The following FPGS variants were observed in gnomAD, a reference collection of about 807,000 sequenced individuals.
The protein encoded by FPGS is folylpolyglutamate synthase, mitochondrial.
Under a neutral mutation model 66.5 loss-of-function variants are expected in FPGS, and 53 were observed. That is an observed-to-expected ratio of 0.80 (90% CI 0.64 to 1.00). FPGS has a LOEUF of 1.00. Among genes scored for constraint, FPGS ranks in the 50% least tolerant of loss-of-function variants. The probability of loss-of-function intolerance (pLI) is 0.00; values close to 1 mark genes in which losing one functional copy is unlikely to be tolerated. For missense variants in FPGS, 702 were observed against 807.7 expected, an observed-to-expected ratio of 0.87 and a Z score of 1.59; for synonymous variants, 348 against 350.9, an observed-to-expected ratio of 0.99 and a Z score of 0.09.
Position 127,809,762 on chromosome 9 carries a change from A to T in FPGS, c.1139A>T (p.His380Leu). The change falls in exon 12 of 15, where the codon CAC becomes CTC. Residue 380 changes from histidine to leucine, a missense_variant. By Grantham distance (99) the His-to-Leu change is moderately conservative. Coordinates refer to ENST00000373247, the MANE Select transcript of FPGS (RefSeq NM_004957.6). Reference protein sequence around the residue: ...GPLTWYLDGAHTASSAQACVR... With the variant: ...GPLTWYLDGALTASSAQACVR... ...CTCACCTGGTACCTGGACGGTGCGC[A>T]CACCGCCAGCAGCGCGCAGGCCTGC... 1 of 1,574,004 alleles carries T rather than the reference A, an allele frequency of 6.4e-7. No homozygotes were observed. The highest frequency in any genetic ancestry group is 1.1e-5 in the South Asian group (1 of 89,316).
In FPGS at chr9:127,808,786, C is replaced by T; in HGVS notation, c.971-14C>T. On this transcript the variant is annotated splice_polypyrimidine_tract_variant and intron_variant, in intron 10 of 14. Coordinates refer to ENST00000373247, the MANE Select transcript of FPGS (RefSeq NM_004957.6). ...GGAGGGTCCCGGACACACTTGGTCTCACACACCCCGCAGGTGCTGGGGAGC... is the reference window on the plus strand; with the variant it reads ...GGAGGGTCCCGGACACACTTGGTCTTACACACCCCGCAGGTGCTGGGGAGC... 6.4e-7 allele frequency: 1 copy of T among 1,556,194 alleles called. No homozygotes were observed. Among genetic ancestry groups the T allele is most frequent in the Non-Finnish European group, 8.7e-7 (1 of 1,149,758 alleles).
intron 10 of FPGS, 29 bp downstream of exon 10, chr9:127,808,734 G>C: frequency 6.4e-7 from 1 of 1,568,028 alleles, no homozygotes; most frequent in Non-Finnish European, 8.6e-7. Flanking sequence ...GGGCAGGCAG[G>C]TGGGTGGCAC....
Position 127,807,369 on chromosome 9 carries a change from G to T in FPGS, c.580-52G>T. On this transcript the variant is annotated intron_variant, in intron 6 of 14. Coordinates refer to ENST00000373247, the MANE Select transcript of FPGS (RefSeq NM_004957.6). This position sits in a 1 kb window ranked among gnomAD's most constrained non-coding sequence, Gnocchi z 5.8. ...AGGCCTGGGGGCTCCCTGCTTCCAT[G>T]CGGCCTCTGGGCACCCTCATATCCC... 1 of 1,612,580 alleles carries T rather than the reference G, an allele frequency of 6.2e-7. No homozygotes were observed. The highest frequency in any genetic ancestry group is 1.1e-5 in the South Asian group (1 of 91,076).
chr9:127,809,629 A>G, intron 11 of FPGS, 55 bp from the exon 12 acceptor site: 7 of 1,495,398 alleles, frequency 4.7e-6, no homozygotes, highest in Non-Finnish European at 6.2e-6. Flanking sequence ...TGTGTGCGGA[A>G]TTGAGGACGG....
rs747542695 is a variant in FPGS at position 127,813,467 on chromosome 9, G to A, written c.1627G>A (p.Gly543Ser). 52 of 1,612,846 alleles carry A rather than the reference G, an allele frequency of 3.2e-5. No individual in the cohort carries two copies. The highest frequency in any genetic ancestry group is 4.5e-5 in the East Asian group (2 of 44,872). The change falls in exon 15 of 15, where the codon GGC becomes AGC. Residue 543 changes from glycine to serine, a missense_variant. Gly to Ser is a moderately conservative substitution (Grantham distance 56, BLOSUM62 0). Transcript: ENST00000373247. ...PIFQPPSPPK[G>S]LLTHPVAHSG... ...CTTCCAGCCACCTAGTCCCCCAAAG[G>A]GCCTCCTCACCCACCCTGTGGCTCA...
At chr9:127,812,105 C>T (rs1397210442) in intron 14 of FPGS, among the ~76,000 whole-genome samples, 1 of 152,136 alleles carries the variant, frequency 6.6e-6, no homozygotes, top group Admixed American at 6.6e-5. Context: ...AAGAATTAGC[C>T]AGGTGTGGTG....
chr9:127,804,052 T>A (rs370314342), intron 1 of FPGS, among the ~76,000 whole-genome samples: 49 of 152,344 alleles, frequency 3.2e-4, no homozygotes, highest in African/African-American at 1.2e-3. Flanking sequence ...ACCTTCTTTG[T>A]GTAGCACTCC....
At chr9:127,809,196 C>T (rs1005498167) in intron 11 of FPGS, among the ~76,000 whole-genome samples, 1 of 152,054 alleles carries the variant, frequency 6.6e-6, no homozygotes, top group Non-Finnish European at 1.5e-5. Flanking sequence ...GGATAAAGTG[C>T]CAGCCAGTGG....
chr9:127,804,248 G>A, intron 1 of FPGS, 37 bp from the exon 2 acceptor site: 1 of 1,604,926 alleles, frequency 6.2e-7, no homozygotes, highest in Non-Finnish European at 8.5e-7. Flanking sequence ...GACCCTGAGT[G>A]AGCCTTAACC....
At chr9:127,812,701 G>GTT (rs376909642) in intron 14 of FPGS, among the ~76,000 whole-genome samples, 2 of 151,454 alleles carry the variant, frequency 1.3e-5, no homozygotes, top group East Asian at 2.0e-4. Context: ...GTGTGTGTGT[G>GTT]TTTTTTTCAG....
At position 127,807,204 on chromosome 9, in the gene FPGS, C is replaced by G; in HGVS notation, c.502-5C>G. ...TCTGGGCCCTGACATGTCCCTGTGC[C>G]ACAGGATGGCAGCTGTGTCTCCATG... On this transcript the variant is annotated splice_region_variant and splice_polypyrimidine_tract_variant and intron_variant, in intron 5 of 14. Coordinates refer to ENST00000373247, the MANE Select transcript of FPGS (RefSeq NM_004957.6). The surrounding 1 kb of genome is among the most constrained non-coding windows in gnomAD (Gnocchi z 5.8). 6.2e-7 allele frequency: 1 copy of G among 1,614,100 alleles called. No homozygotes were observed. Among genetic ancestry groups the G allele is most frequent in the Non-Finnish European group, 8.5e-7 (1 of 1,180,002 alleles).
chr9:127,808,779 T>A, intron 10 of FPGS, 21 bp from the exon 11 acceptor site: 2 of 1,555,744 alleles, frequency 1.3e-6, no homozygotes, highest in East Asian at 4.8e-5. Flanking sequence ...CCGGACACAC[T>A]TGGTCTCACA....
intron 9 of FPGS, 112 bp downstream of exon 9, chr9:127,808,423 G>C: frequency 6.7e-7 from 1 of 1,499,632 alleles, no homozygotes; most frequent in South Asian, 1.1e-5. Context: ...TGAGGACGCT[G>C]GGCCAGCTGC....
Position 127,803,762 on chromosome 9 carries a change from C to T in FPGS, c.139-523C>T, listed in dbSNP as rs1262938613. Among the ~76,000 whole-genome samples the T allele has an allele frequency of 2.6e-5, 4 of 152,124 alleles. No individual in the cohort carries two copies. In the East Asian group the frequency reaches 5.8e-4, roughly 22 times the overall value. Reference sequence around the variant, plus strand: ...CTTCCATTGTGAACCCTCCTGAAGCCGTACCTACCTGCCTTCCTGGCTGAG... The same window carrying T: ...CTTCCATTGTGAACCCTCCTGAAGCTGTACCTACCTGCCTTCCTGGCTGAG... On this transcript the variant is annotated intron_variant, in intron 1 of 14. Coordinates refer to ENST00000373247, the MANE Select transcript of FPGS (RefSeq NM_004957.6).
chr9:127,812,632 T>C (rs1449610807), intron 14 of FPGS, among the ~76,000 whole-genome samples: 1 of 152,176 alleles, frequency 6.6e-6, no homozygotes, highest in Non-Finnish European at 1.5e-5. Context: ...CTTCCAAGTA[T>C]AGCTGGGATT....
At chr9:127,810,834 C>G (rs555583483) in intron 13 of FPGS, 111 bp from the exon 14 acceptor site, 1 of 620,354 alleles carries the variant, frequency 1.6e-6, no homozygotes, top group Non-Finnish European at 3.0e-6. Flanking sequence ...CAGCATCATT[C>G]TAGTTGTCAG....
chr9:127,811,064 A>T, intron 14 of FPGS, 53 bp downstream of exon 14: 1 of 1,082,890 alleles, frequency 9.2e-7, no homozygotes, highest in South Asian at 1.4e-5. Context: ...CCTGAGGTAG[A>T]CAGTGGGGGC....
At position 127,803,069 on chromosome 9, in the gene FPGS, G is replaced by A; in HGVS notation, c.138+7G>A. 2 of 1,391,338 alleles carry A rather than the reference G, an allele frequency of 1.4e-6. No individual in the cohort carries two copies. The highest frequency in any genetic ancestry group is 1.9e-6 in the Non-Finnish European group (2 of 1,078,670). 86.2% of individuals were successfully genotyped at this position (1,391,338 alleles called of 1,614,324 possible). ...GCCGAGCATGGAGTACCAGGTATCA[G>A]GCGGGCCAGCGGGCCAGCGGGCCTG... On this transcript the variant is annotated splice_region_variant and intron_variant, in intron 1 of 14. Coordinates refer to ENST00000373247, the MANE Select transcript of FPGS (RefSeq NM_004957.6).
chr9:127,807,508 G>T lies in FPGS; in HGVS notation c.641+26G>T. The stretch of plus-strand genomic sequence containing the variant: ...GTGAGCGCAGTTGCTTGGGACGAGG[G>T]GTGGCAGCCAGGAGCACAGCCTCAC... On this transcript the variant is annotated intron_variant, in intron 7 of 14. Coordinates refer to ENST00000373247, the MANE Select transcript of FPGS (RefSeq NM_004957.6). This position sits in a 1 kb window ranked among gnomAD's most constrained non-coding sequence, Gnocchi z 5.8. The T allele has an allele frequency of 6.2e-7, 1 of 1,613,756 alleles. No individual in the cohort carries two copies. The highest frequency in any genetic ancestry group is 1.7e-4 in the Middle Eastern group (1 of 6,050).
Sources: allele counts gnomAD v4.1 joint callset (sites outside exome capture counted in the v4.1 genomes callset), GRCh38; gene constraint gnomAD v4.1.1; non-coding constraint Gnocchi (gnomAD v3.1); transcripts MANE v1.5; gene names NCBI Gene and HGNC (gene_info 2026-07-23, HGNC 2026-07-21).